The following ABCC4 variants were observed in gnomAD, a reference collection of about 807,000 sequenced individuals.
ABCC4 encodes ATP binding cassette subfamily C member 4 (PEL blood group).
A neutral mutation model predicts 168.5 loss-of-function variants in ABCC4; 102 were observed. The ratio of observed to expected loss-of-function variants is 0.61; its 90% CI spans 0.52 to 0.71. The LOEUF (loss-of-function observed/expected upper bound fraction) is 0.71, where lower values mean the gene tolerates loss of function less well. ABCC4 is among the 30% of genes least tolerant of loss of function. The pLI, the probability that ABCC4 is intolerant of heterozygous loss-of-function variation, is 0.00. For synonymous variants in ABCC4, 617 were observed against 590.7 expected (o/e 1.04, Z -0.65); for missense variants, 1,402 against 1,605.8 (o/e 0.87, Z 2.17).
chr13:95,063,598 T>G (rs2033383550), intron 25 of ABCC4, among the ~76,000 whole-genome samples: 1 of 152,230 alleles, frequency 6.6e-6, no homozygotes, highest in African/African-American at 2.4e-5. Flanking sequence ...AGGCCTTTCA[T>G]CTGCACAGTT....
At chr13:95,272,724 C>T (rs2040875433) in intron 1 of ABCC4, among the ~76,000 whole-genome samples, 1 of 151,882 alleles carries the variant, frequency 6.6e-6, no homozygotes, top group African/African-American at 2.4e-5. Context: ...CCTGTCTCTA[C>T]TAAAAATCCA....
At chr13:95,190,754 G>GT (rs1394614977) in intron 9 of ABCC4, among the ~76,000 whole-genome samples, 1 of 152,134 alleles carries the variant, frequency 6.6e-6, no homozygotes, top group Non-Finnish European at 1.5e-5. Context: ...ATCCTAAAGG[G>GT]GTTTAAGCAG....
At chr13:95,122,253 C>G (rs1027030850) in intron 19 of ABCC4, among the ~76,000 whole-genome samples, 1 of 152,148 alleles carries the variant, frequency 6.6e-6, no homozygotes, top group Admixed American at 6.5e-5. Flanking sequence ...CCTGATCTCC[C>G]AGCCCAGGGC....
chr13:95,210,784 GA>G lies in ABCC4; in HGVS notation c.532-4del. On this transcript the variant is annotated splice_polypyrimidine_tract_variant and splice_region_variant and intron_variant, in intron 4 of 30. Transcript: ENST00000645237. ...GCCATGTTACTAAGACGAAGTGCCT[GA>G]AATAAAAGAGGTAAGTAGAGAATTG... is the stretch of plus-strand genomic sequence containing the variant. 1 of 1,610,578 alleles carries G rather than the reference GA, an allele frequency of 6.2e-7. No individual in the cohort carries two copies. The highest frequency in any genetic ancestry group is 8.5e-7 in the Non-Finnish European group (1 of 1,176,856).
In ABCC4 at chr13:95,246,805, A is replaced by C. The variant is rs145917908; in HGVS notation, c.306+170T>G. Among the ~76,000 whole-genome samples, 19 of 152,282 alleles carry C rather than the reference A, an allele frequency of 1.2e-4. 1 individual carries two copies. The East Asian group carries it at 3.5e-3, about 28-fold the overall frequency. On this transcript the variant is annotated intron_variant, in intron 3 of 30. Transcript: ENST00000645237. The stretch of plus-strand genomic sequence containing the variant: ...CTGGATAAATACGCTCACTGAACTA[A>C]CTACCTAATACTTCCTAGACATGTT...
chr13:95,208,604 ATTTCTTTT>A lies in ABCC4; in HGVS notation c.786-687_786-680del, dbSNP rs1270978422. Reference sequence around the variant, plus strand: ...CATTAATCTCTTGATCAAAAGCTGTATTTCTTTTTTTTTTTTTTTTTTTTTTTTTTTTT... The same window carrying A: ...CATTAATCTCTTGATCAAAAGCTGTATTTTTTTTTTTTTTTTTTTTTTTTT... On this transcript the variant is annotated intron_variant, in intron 6 of 30. Transcript: ENST00000645237. 6.7e-5 allele frequency among the ~76,000 whole-genome samples: 6 copies of A among 89,546 alleles called. No individual in the cohort carries two copies. The East Asian group carries it at 1.6e-3, about 24-fold the overall frequency. The allele number at this position is 89,546 out of a possible 152,430, so 58.7% of individuals were successfully genotyped here. A position where few individuals can be genotyped will look rare whatever the true frequency, so the allele number is the denominator to read the frequency against.
intron 29 of ABCC4, among the ~76,000 whole-genome samples, chr13:95,041,396 T>C (rs2032353037): frequency 6.6e-6 from 1 of 152,234 alleles, no homozygotes; most frequent in Non-Finnish European, 1.5e-5. Flanking sequence ...TTACTTACAG[T>C]AAACAAAACT....
intron 10 of ABCC4, among the ~76,000 whole-genome samples, chr13:95,187,828 C>T (rs1257759853): frequency 2.6e-5 from 4 of 152,180 alleles, no homozygotes; most frequent in African/African-American, 9.7e-5. Context: ...GTTTCCTTCA[C>T]ATCTTCTACA....
intron 25 of ABCC4, among the ~76,000 whole-genome samples, chr13:95,064,211 T>C (rs1159420420): frequency 1.3e-5 from 2 of 149,182 alleles, no homozygotes; most frequent in African/African-American, 2.4e-5. Flanking sequence ...TTATACTTTA[T>C]AGGTGGGCCA....
intron 8 of ABCC4, 77 bp downstream of exon 8, chr13:95,206,455 A>T: frequency 1.3e-6 from 2 of 1,559,234 alleles, no homozygotes; most frequent in South Asian, 2.4e-5. Context: ...ACACTGGAAC[A>T]TAGTGATGCT....
chr13:95,161,318 C>T lies in ABCC4; in HGVS notation c.2326G>A (p.Val776Ile), dbSNP rs146708960. Reference protein sequence around the residue: ...GIYSGLTVATVLFGIARSLLV... With the variant: ...GIYSGLTVATILFGIARSLLV... Reference sequence around the variant, plus strand: ...AGAGATCTTGCTATGCCAAAAAGAACGGTAGCTACAGTTAAACCTGAAATA... The same window carrying T: ...AGAGATCTTGCTATGCCAAAAAGAATGGTAGCTACAGTTAAACCTGAAATA... Residue 776 changes from valine to isoleucine, a missense_variant, in exon 19 of 31, where the codon GTT (valine) becomes ATT (isoleucine). Physicochemically the swap from Val to Ile is conservative, Grantham distance 29. Transcript: ENST00000645237. 2.1e-4 allele frequency: 339 copies of T among 1,588,206 alleles called. No homozygotes were observed. The highest frequency in any genetic ancestry group is 2.6e-4 in the Non-Finnish European group (300 of 1,171,672).
chr13:95,298,396 A>G (rs2041591175), intron 1 of ABCC4, among the ~76,000 whole-genome samples: 1 of 152,250 alleles, frequency 6.6e-6, no homozygotes, highest in African/African-American at 2.4e-5. Flanking sequence ...GGAAGCAGTA[A>G]GCGCCTCAAA....
chr13:95,206,061 G>A (rs2038770665), intron 8 of ABCC4, among the ~76,000 whole-genome samples: 1 of 152,188 alleles, frequency 6.6e-6, no homozygotes. Flanking sequence ...ATCTACAGAG[G>A]AAAGAACTTA....
chr13:95,247,144 A>G (rs368733437), intron 2 of ABCC4, 49 bp from the exon 3 acceptor site: 78 of 1,582,484 alleles, frequency 4.9e-5, no homozygotes, highest in Middle Eastern at 1.7e-4. Context: ...CTGCCACAAT[A>G]TAAAACAGGG....
intron 20 of ABCC4, among the ~76,000 whole-genome samples, chr13:95,111,910 G>T (rs1460892143): frequency 6.6e-6 from 1 of 152,148 alleles, no homozygotes; most frequent in Non-Finnish European, 1.5e-5. Flanking sequence ...TCTCCTCTCA[G>T]ATCTACCCCT....
chr13:95,112,392 ATTAT>A (rs2035235552), intron 20 of ABCC4, among the ~76,000 whole-genome samples: 2 of 152,152 alleles, frequency 1.3e-5, no homozygotes, highest in South Asian at 4.1e-4. Flanking sequence ...ATGCAACTAC[ATTAT>A]TTATTTCTAT....
intron 1 of ABCC4, among the ~76,000 whole-genome samples, chr13:95,275,583 TA>T (rs1184922252): frequency 6.9e-6 from 1 of 144,116 alleles, no homozygotes; most frequent in African/African-American, 2.5e-5. Flanking sequence ...CCATCTCTCT[TA>T]TAGGAAAATG....
chr13:95,047,972 C>T (rs2032665211), intron 27 of ABCC4, among the ~76,000 whole-genome samples: 1 of 152,136 alleles, frequency 6.6e-6, no homozygotes, highest in Admixed American at 6.5e-5. Flanking sequence ...CCAGAGTCTA[C>T]AATGCCTATG....
intron 19 of ABCC4, among the ~76,000 whole-genome samples, chr13:95,137,231 A>G (rs1301269212): frequency 6.6e-6 from 1 of 152,214 alleles, no homozygotes; most frequent in African/African-American, 2.4e-5. Context: ...ACTGGTCTTT[A>G]AAACACTCAA....
Sources: allele counts gnomAD v4.1 joint callset (sites outside exome capture counted in the v4.1 genomes callset), GRCh38; gene constraint gnomAD v4.1.1; transcripts MANE v1.5; gene names NCBI Gene and HGNC (gene_info 2026-07-23, HGNC 2026-07-21).